The following IDE variants were observed in gnomAD, a reference collection of about 807,000 sequenced individuals.
IDE encodes insulin-degrading enzyme.
A neutral mutation model predicts 133.2 loss-of-function variants in IDE; 58 were observed. That is an observed-to-expected ratio of 0.44 (90% CI 0.35 to 0.54). The LOEUF is 0.54. IDE is among the 20% of genes least tolerant of loss of function. The pLI is 0.00. For missense variants in IDE, 981 were observed against 1,234.0 expected (o/e 0.79, Z 3.07); for synonymous variants, 396 against 421.3 (o/e 0.94, Z 0.73).
At chr10:92,518,611 A>G (rs1006085237) in intron 4 of IDE, among the ~76,000 whole-genome samples, 3 of 152,210 alleles carry the variant, frequency 2.0e-5, no homozygotes, top group African/African-American at 7.2e-5. Context: ...GTGTACAAGG[A>G]GACATGTACA....
At chr10:92,543,975 G>A (rs2135728187) in intron 1 of IDE, among the ~76,000 whole-genome samples, 1 of 152,334 alleles carries the variant, frequency 6.6e-6, no homozygotes, top group African/African-American at 2.4e-5. Flanking sequence ...GGTCACGCCT[G>A]TAATCCCAAC....
Position 92,490,561 on chromosome 10 carries a change from T to G in IDE, c.1465A>C (p.Thr489Pro). The change falls in exon 12 of 25, where the codon ACT becomes CCT. Residue 489 changes from threonine (T) to proline (P), a missense_variant. Thr to Pro is a conservative substitution (Grantham distance 38). Coordinates refer to ENST00000265986, the MANE Select transcript of IDE (RefSeq NM_004969.4). ...AIVSKSFEGK[T>P]DRTEEWYGTQ... is the part of the protein sequence containing the mutation. ...CCATACCACTCTTCTGTGCGATCAG[T>G]TTTTCCTTCAAAAGATTTAGAAACT... 6.2e-7 allele frequency: 1 copy of G among 1,612,650 alleles called. No individual in the cohort carries two copies. Among genetic ancestry groups the G allele is most frequent in the Non-Finnish European group, 8.5e-7 (1 of 1,178,824 alleles).
At position 92,531,745 on chromosome 10, in the gene IDE, A is replaced by G; in HGVS notation, c.661+3T>C. The G allele has an allele frequency of 6.4e-7, 1 of 1,571,590 alleles. No homozygotes were observed. On this transcript the variant is annotated splice_donor_region_variant and intron_variant, in intron 4 of 24. Coordinates refer to ENST00000265986, the MANE Select transcript of IDE (RefSeq NM_004969.4). The stretch of plus-strand genomic sequence containing the variant: ...AGGTCAAGGAAAGCAGCTGTTGACA[A>G]ACCTGTCCCAAATTTACTGAAGGGG...
At chr10:92,531,670 T>G (rs1849931897) in intron 4 of IDE, 78 bp downstream of exon 4, 1 of 558,586 alleles carries the variant, frequency 1.8e-6, no homozygotes. Flanking sequence ...ATAAATATAT[T>G]TTATATATAC....
chr10:92,506,204 T>C (rs1192974151), intron 10 of IDE, among the ~76,000 whole-genome samples: 2 of 152,174 alleles, frequency 1.3e-5, no homozygotes, highest in Non-Finnish European at 2.9e-5. Context: ...CTGAAATATA[T>C]TTAAAGCCAA....
At chr10:92,476,204 G>A (rs1846244500) in intron 15 of IDE, among the ~76,000 whole-genome samples, 1 of 147,874 alleles carries the variant, frequency 6.8e-6, no homozygotes, top group Admixed American at 6.8e-5. Flanking sequence ...ACAGAGTTTC[G>A]CTCTTGTTGC....
chr10:92,528,044 A>G (rs1276215180), intron 4 of IDE, among the ~76,000 whole-genome samples: 1 of 152,194 alleles, frequency 6.6e-6, no homozygotes, highest in South Asian at 2.1e-4. Context: ...AATTATTTTT[A>G]ATGACTGATC....
intron 1 of IDE, among the ~76,000 whole-genome samples, chr10:92,544,867 G>T (rs1842472105): frequency 6.6e-6 from 1 of 152,108 alleles, no homozygotes; most frequent in Non-Finnish European, 1.5e-5. Context: ...GAGAGTATAT[G>T]TACAGAACTG....
intron 14 of IDE, among the ~76,000 whole-genome samples, chr10:92,482,612 A>G (rs922000404): frequency 5.9e-5 from 9 of 152,286 alleles, no homozygotes; most frequent in South Asian, 4.1e-4. Context: ...TCTTTCTTCA[A>G]TGAGTCTTCT....
chr10:92,479,348 T>G lies in IDE; in HGVS notation c.1813A>C (p.Asn605His). The change falls in exon 15 of 25, where the codon AAC becomes CAC. Residue 605 changes from asparagine to histidine, a missense_variant. By Grantham distance (68) the Asn-to-His change is moderately conservative. Transcript: ENST00000265986. The stretch of plus-strand genomic sequence containing the variant: ...AGCTCTGCTGCATATGCATACTCGT[T>G]GAGTGAGTCTTTGAGGAGCTCAAGG... The part of the protein sequence containing the change: ...LYLELLKDSL[N>H]EYAYAAELAG... The G allele has an allele frequency of 1.2e-6, 2 of 1,613,542 alleles. No homozygotes were observed. The highest frequency in any genetic ancestry group is 1.7e-6 in the Non-Finnish European group (2 of 1,179,452).
chr10:92,457,406 G>A (rs981623873), intron 22 of IDE, among the ~76,000 whole-genome samples: 4 of 152,138 alleles, frequency 2.6e-5, no homozygotes, highest in African/African-American at 4.8e-5. Flanking sequence ...AGACACAGCA[G>A]CTTACATGAA....
chr10:92,460,017 T>C (rs898353775), intron 22 of IDE, among the ~76,000 whole-genome samples: 2 of 151,756 alleles, frequency 1.3e-5, no homozygotes, highest in Non-Finnish European at 2.9e-5. Context: ...ATTATTATTT[T>C]TAGTAGAGAC....
intron 13 of IDE, among the ~76,000 whole-genome samples, chr10:92,484,901 G>A (rs932490510): frequency 6.6e-6 from 1 of 151,804 alleles, no homozygotes; most frequent in Admixed American, 6.6e-5. Flanking sequence ...CAAAAATATT[G>A]AACAATTAGC....
In IDE at chr10:92,574,016, G is replaced by A. The variant is rs1308309068; in HGVS notation, c.4C>T (p.Arg2Trp). ...TGCAGAAGCCACGCTAGCCGGTACC[G>A]CATTAGCCAGCGCAGTCGCCGGGAT... The part of the protein sequence containing the change: M[R>W]YRLAWLLHPA... Residue 2 changes from arginine to tryptophan, a missense_variant, in exon 1 of 25, where the codon CGG becomes TGG. Coordinates refer to ENST00000265986, the MANE Select transcript of IDE (RefSeq NM_004969.4). 3.3e-6 allele frequency: 5 copies of A among 1,511,086 alleles called. No individual in the cohort carries two copies. The highest frequency in any genetic ancestry group is 1.4e-5 in the African/African-American group (1 of 69,592). The allele number at this position is 1,511,086 out of a possible 1,614,324, so 93.6% of individuals were successfully genotyped here.
At chr10:92,568,591 G>A (rs778149586) in intron 1 of IDE, among the ~76,000 whole-genome samples, 9 of 152,168 alleles carry the variant, frequency 5.9e-5, no homozygotes, top group Non-Finnish European at 1.3e-4. Context: ...TGAGGTGGGT[G>A]GATCACCTGA....
chr10:92,559,718 TAAAACCC>T (rs1202436458), intron 1 of IDE, among the ~76,000 whole-genome samples: 1 of 150,588 alleles, frequency 6.6e-6, no homozygotes, highest in Non-Finnish European at 1.5e-5. Flanking sequence ...GCAAATACAC[TAAAACCC>T]ATGAATGGTA....
chr10:92,558,115 T>A (rs776909351), intron 1 of IDE, among the ~76,000 whole-genome samples: 2 of 151,994 alleles, frequency 1.3e-5, no homozygotes, highest in Non-Finnish European at 2.9e-5. Flanking sequence ...TGCAAAGGCG[T>A]GATCTCAGCT....
intron 1 of IDE, chr10:92,573,016 C>T: frequency 1.0e-6 from 1 of 985,228 alleles, no homozygotes; most frequent in Non-Finnish European, 1.2e-6. Context: ...CAGCACAGTG[C>T]CCTGCACTTA....
intron 11 of IDE, among the ~76,000 whole-genome samples, chr10:92,497,946 A>G (rs1393129187): frequency 6.6e-6 from 1 of 152,278 alleles, no homozygotes; most frequent in Non-Finnish European, 1.5e-5. Context: ...GCTCTAGAGC[A>G]GCAAGAATTA....
Sources: gnomAD v4.1 joint callset for allele counts (sites outside exome capture counted in the v4.1 genomes callset) on GRCh38, gnomAD v4.1.1 for gene constraint, MANE v1.5 for transcripts, NCBI Gene and HGNC (gene_info 2026-07-23, HGNC 2026-07-21) for gene names.